The following GNAL variants were observed in gnomAD, a reference collection of about 807,000 sequenced individuals.
The protein encoded by GNAL is guanine nucleotide-binding protein G(olf) subunit alpha.
GNAL carries 18 observed loss-of-function variants against 55.1 expected under a neutral mutation model. That is an observed-to-expected ratio of 0.33 (90% confidence interval 0.23 to 0.48). The LOEUF is 0.48. Ranked by LOEUF, GNAL falls within the 20% of genes least tolerant of loss-of-function variation. The probability of loss-of-function intolerance (pLI) is 0.99; values close to 1 mark genes in which losing one functional copy is unlikely to be tolerated. For missense variants in GNAL, 412 were observed against 614.1 expected (o/e 0.67, Z 3.48); for synonymous variants, 253 against 237.0 (o/e 1.07, Z -0.62).
chr18:11,730,405 C>G (rs1224260943), intron 1 of GNAL, among the ~76,000 whole-genome samples: 8 of 151,956 alleles, frequency 5.3e-5, no homozygotes, highest in African/African-American at 1.9e-4. Context: ...GGTAATCTGC[C>G]TGCCTCGGCC....
chr18:11,838,449 G>A (rs1344883722), intron 5 of GNAL, among the ~76,000 whole-genome samples: 1 of 152,204 alleles, frequency 6.6e-6, no homozygotes, highest in Non-Finnish European at 1.5e-5. Flanking sequence ...TCCTCTTGGA[G>A]TGATGAAAAT....
At chr18:11,807,624 C>T (rs899960769) in intron 4 of GNAL, among the ~76,000 whole-genome samples, 1 of 152,208 alleles carries the variant, frequency 6.6e-6, no homozygotes, top group Non-Finnish European at 1.5e-5. Flanking sequence ...GCAGTGATGT[C>T]AGGCAGGCAA....
intron 4 of GNAL, among the ~76,000 whole-genome samples, chr18:11,793,400 C>T (rs2034289092): frequency 6.6e-6 from 1 of 151,914 alleles, no homozygotes; most frequent in Non-Finnish European, 1.5e-5. Flanking sequence ...ACAATTGAGA[C>T]TCCCATCTCT....
chr18:11,873,554 C>T (rs542388936), intron 10 of GNAL, among the ~76,000 whole-genome samples: 25 of 152,340 alleles, frequency 1.6e-4, no homozygotes, highest in South Asian at 2.1e-4. Flanking sequence ...CAGCAGTCTC[C>T]GCACCCGCCA....
chr18:11,706,520 C>A (rs898774564), intron 1 of GNAL, among the ~76,000 whole-genome samples: 1 of 152,006 alleles, frequency 6.6e-6, no homozygotes, highest in South Asian at 2.1e-4. Flanking sequence ...TCGGTTAACT[C>A]TTTCTTTCAT....
chr18:11,716,849 C>T (rs575459194), intron 1 of GNAL, among the ~76,000 whole-genome samples: 6 of 152,364 alleles, frequency 3.9e-5, no homozygotes, highest in South Asian at 4.1e-4. Context: ...AAGTTCTCCA[C>T]GTCCCCACCA....
At chr18:11,703,795 G>GCA (rs35455680) in intron 1 of GNAL, among the ~76,000 whole-genome samples, 45,314 of 141,214 alleles carry the variant, frequency 0.32, 8,043 homozygotes, top group South Asian at 0.44. Context: ...GTGTTGATGG[G>GCA]CACACACACA....
At position 11,751,605 on chromosome 18, in the gene GNAL, G is replaced by C. The variant is rs1196881704; in HGVS notation, c.377-1248G>C. 3.0e-6 allele frequency: 3 copies of C among 985,384 alleles called. No homozygotes were observed. The highest frequency in any genetic ancestry group is 3.6e-6 in the Non-Finnish European group (3 of 829,980). The allele number at this position is 985,384 out of a possible 1,614,324, so 61.0% of individuals were successfully genotyped here. ...CAGGGACGCGTCCGAGCCAACACGG[G>C]GCGCGCGCCCAGACGCACTTTCCCG... On this transcript the variant is annotated intron_variant, in intron 1 of 11. Transcript: ENST00000334049. This position sits in a 1 kb window ranked among gnomAD's most constrained non-coding sequence, Gnocchi z 4.5.
rs2036715574 is a variant in GNAL, at chr18:11,882,327, T to C, written c.*1192T>C. On this transcript the variant is annotated 3_prime_UTR_variant, in exon 12 of 12. Transcript: ENST00000334049. ...TTCAAGTTCCCCAAGTGGGAACAGG[T>C]CCATCATTCCCTTAGTCAAAACTTT... is the stretch of plus-strand genomic sequence containing the variant. 6.6e-6 allele frequency: 1 copy of C among 152,148 alleles called. No homozygotes were observed. Among genetic ancestry groups the C allele is most frequent in the Non-Finnish European group, 1.5e-5 (1 of 68,032 alleles). The allele number at this position is 152,148 out of a possible 1,614,324, so 9.4% of individuals were successfully genotyped here.
intron 5 of GNAL, among the ~76,000 whole-genome samples, chr18:11,855,822 A>G (rs1319601029): frequency 6.6e-6 from 1 of 152,022 alleles, no homozygotes; most frequent in Non-Finnish European, 1.5e-5. Context: ...AAAATACAAA[A>G]TTAGCCGGGC....
chr18:11,820,887 A>G (rs1418942613), intron 4 of GNAL, among the ~76,000 whole-genome samples: 1 of 152,238 alleles, frequency 6.6e-6, no homozygotes, highest in South Asian at 2.1e-4. Context: ...CACAGTGCCT[A>G]CAATCCCTGT....
At position 11,733,284 on chromosome 18, in the gene GNAL, C is replaced by A. The variant is rs529807389; in HGVS notation, c.377-19569C>A. Reference sequence around the variant, plus strand: ...AGGGACAGCTGTCATGTGTGAAGCTCCTGCTATATAAAAGGGTGAGCTGTT... The same window carrying A: ...AGGGACAGCTGTCATGTGTGAAGCTACTGCTATATAAAAGGGTGAGCTGTT... On this transcript the variant is annotated intron_variant, in intron 1 of 11. Transcript: ENST00000334049. Among the ~76,000 whole-genome samples the A allele has an allele frequency of 5.3e-5, 8 of 152,318 alleles. No homozygotes were observed. The South Asian group carries it at 1.7e-3, about 32-fold the overall frequency.
At chr18:11,740,501 A>C (rs1420413631) in intron 1 of GNAL, among the ~76,000 whole-genome samples, 2 of 152,190 alleles carry the variant, frequency 1.3e-5, no homozygotes, top group African/African-American at 4.8e-5. Flanking sequence ...CAGGCTCACA[A>C]ATACACTTGC....
At chr18:11,736,973 G>A (rs1180643122) in intron 1 of GNAL, among the ~76,000 whole-genome samples, 2 of 152,182 alleles carry the variant, frequency 1.3e-5, no homozygotes, top group East Asian at 3.8e-4. Flanking sequence ...ATACAGATAG[G>A]GAAAGTATAT....
chr18:11,826,365 A>AGAG (rs60409657), intron 5 of GNAL, among the ~76,000 whole-genome samples: 6 of 19,202 alleles, frequency 3.1e-4, no homozygotes, highest in Non-Finnish European at 8.7e-4. Context: ...GGGGGAAGGA[A>AGAG]GAGGAGGAGG....
At chr18:11,720,942 A>G (rs1420143157) in intron 1 of GNAL, among the ~76,000 whole-genome samples, 2 of 152,252 alleles carry the variant, frequency 1.3e-5, no homozygotes, top group African/African-American at 4.8e-5. Context: ...TTGCATACAG[A>G]TGCAATTTTA....
At chr18:11,706,205 C>T (rs2031707239) in intron 1 of GNAL, among the ~76,000 whole-genome samples, 1 of 151,138 alleles carries the variant, frequency 6.6e-6, no homozygotes, top group Admixed American at 6.6e-5. Flanking sequence ...AGGTTCAGTT[C>T]CAAACCACCC....
chr18:11,703,112 C>A (rs145830176), intron 1 of GNAL, among the ~76,000 whole-genome samples: 1,592 of 152,180 alleles, frequency 0.01, 18 homozygotes, highest in Middle Eastern at 0.02. Context: ...AGCAAGACTC[C>A]GTCTCAAAAA....
intron 5 of GNAL, among the ~76,000 whole-genome samples, chr18:11,838,274 CATT>C (rs2035539869): frequency 6.6e-6 from 1 of 152,116 alleles, no homozygotes. Flanking sequence ...TCCTTGAAAA[CATT>C]ATGCTAAGTC....
Sources: gnomAD v4.1 joint callset for allele counts (sites outside exome capture counted in the v4.1 genomes callset) on GRCh38, gnomAD v4.1.1 for gene constraint, Gnocchi (gnomAD v3.1) non-coding constraint, MANE v1.5 for transcripts, NCBI Gene and HGNC (gene_info 2026-07-23, HGNC 2026-07-21) for gene names.